Variants in SIL1 observed in about 807,000 individuals in gnomAD.
SIL1 encodes nucleotide exchange factor SIL1.
A neutral mutation model predicts 49.1 loss-of-function variants in SIL1; 40 were observed. The observed-to-expected ratio is 0.81, with a 90% CI of 0.63 to 1.06. SIL1 has a LOEUF of 1.06. SIL1 is among the 50% of genes least tolerant of loss of function. SIL1 has a pLI of 0.00. For missense variants in SIL1, 500 were observed against 572.6 expected (o/e 0.87, Z 1.29); for synonymous variants, 253 against 250.8 (o/e 1.01, Z -0.08).
At chr5:138,968,777 G>T (rs764165612) in intron 7 of SIL1, among the ~76,000 whole-genome samples, 17 of 152,172 alleles carry the variant, frequency 1.1e-4, no homozygotes, top group Non-Finnish European at 2.1e-4. Flanking sequence ...CAGACACAAG[G>T]CTGGCTCTGT....
intron 3 of SIL1, among the ~76,000 whole-genome samples, chr5:139,063,491 G>C (rs761247676): frequency 6.6e-6 from 1 of 152,204 alleles, no homozygotes; most frequent in Non-Finnish European, 1.5e-5. Flanking sequence ...AGAAACCAAA[G>C]GTCAGGCAGT....
chr5:138,979,766 T>C (rs1581002200), intron 7 of SIL1, among the ~76,000 whole-genome samples: 1 of 151,938 alleles, frequency 6.6e-6, no homozygotes, highest in East Asian at 1.9e-4. Context: ...GAGGCAGGGG[T>C]GAACACAGTG....
chr5:139,179,449 T>A (rs1053872734), intron 1 of SIL1, among the ~76,000 whole-genome samples: 1 of 152,150 alleles, frequency 6.6e-6, no homozygotes, highest in Non-Finnish European at 1.5e-5. Flanking sequence ...GTCCACAGAT[T>A]GTGGCTCAGA....
chr5:138,952,650 A>T (rs986157707), intron 7 of SIL1, among the ~76,000 whole-genome samples: 1 of 152,254 alleles, frequency 6.6e-6, no homozygotes, highest in African/African-American at 2.4e-5. Context: ...AACCATGAAC[A>T]TATCAATAGA....
intron 3 of SIL1, among the ~76,000 whole-genome samples, chr5:139,116,558 T>C (rs1051814324): frequency 2.0e-5 from 3 of 152,202 alleles, no homozygotes; most frequent in Admixed American, 6.5e-5. Context: ...GCTGCCTCCT[T>C]ACCTCCACTT....
Position 138,947,158 on chromosome 5 carries a change from G to A in SIL1, c.1345C>T (p.Leu449=). The A allele has an allele frequency of 6.2e-7, 1 of 1,613,690 alleles. No individual in the cohort carries two copies. Residue 449 remains leucine, a synonymous_variant, in exon 10 of 10, where the codon CTG becomes TTG. Coordinates refer to ENST00000394817, the MANE Select transcript of SIL1 (RefSeq NM_022464.5). The surrounding 1 kb of genome is among the most constrained non-coding windows in gnomAD (Gnocchi z 4.1). ...AGCAAGCTGTTGACAGAGCCCAGCA[G>A]CTCCTGGAAGTAGCCCTCGTCCTCA... ...DGEDEGYFQE[L]LGSVNSLLKE...
At chr5:139,191,326 G>A (rs1752163757) in intron 1 of SIL1, among the ~76,000 whole-genome samples, 1 of 150,834 alleles carries the variant, frequency 6.6e-6, no homozygotes, top group Admixed American at 6.6e-5. Flanking sequence ...AGCACTCAAA[G>A]CATGGCCAAT....
intron 7 of SIL1, among the ~76,000 whole-genome samples, chr5:138,968,472 C>T (rs1767200130): frequency 6.6e-6 from 1 of 152,156 alleles, no homozygotes. Flanking sequence ...TGCCTGAGCG[C>T]CCTGCCCCTG....
chr5:139,197,425 G>A (rs1223167524), intron 1 of SIL1, among the ~76,000 whole-genome samples: 1 of 152,038 alleles, frequency 6.6e-6, no homozygotes, highest in Non-Finnish European at 1.5e-5. Context: ...TTATTGAGGT[G>A]GGAAAGCCAA....
In SIL1 at chr5:138,948,392, C is replaced by T. The variant is rs1416579914; in HGVS notation, c.1030-919G>A. On this transcript the variant is annotated intron_variant, in intron 9 of 9. Coordinates refer to ENST00000394817, the MANE Select transcript of SIL1 (RefSeq NM_022464.5). The surrounding 1 kb of genome is among the most constrained non-coding windows in gnomAD (Gnocchi z 4.8). ...CACACCCCAATTCTGTCAGCTCCAC[C>T]TTTGTCCCTTGTGTCCTGCGATCCA... 6.6e-6 allele frequency among the ~76,000 whole-genome samples: 1 copy of T among 152,154 alleles called. No individual in the cohort carries two copies. The highest frequency in any genetic ancestry group is 1.5e-5 in the Non-Finnish European group (1 of 68,028).
intron 3 of SIL1, among the ~76,000 whole-genome samples, chr5:139,097,964 G>C (rs1303468930): frequency 6.6e-6 from 1 of 152,134 alleles, no homozygotes; most frequent in African/African-American, 2.4e-5. Flanking sequence ...AAAATGGAAA[G>C]AGATTCCATG....
chr5:139,024,453 G>T (rs1272713654), intron 6 of SIL1, among the ~76,000 whole-genome samples: 1 of 152,172 alleles, frequency 6.6e-6, no homozygotes, highest in Non-Finnish European at 1.5e-5. Flanking sequence ...AATTCCTATG[G>T]ATACAGTGCA....
At chr5:139,097,419 T>C (rs1174730883) in intron 3 of SIL1, among the ~76,000 whole-genome samples, 2 of 151,828 alleles carry the variant, frequency 1.3e-5, no homozygotes, top group Non-Finnish European at 2.9e-5. Context: ...CCCAAAAAAC[T>C]ATTAGAATTA....
intron 3 of SIL1, among the ~76,000 whole-genome samples, chr5:139,109,907 A>C (rs1477286252): frequency 6.6e-6 from 1 of 151,548 alleles, no homozygotes; most frequent in Non-Finnish European, 1.5e-5. Context: ...ACGGAGGCTC[A>C]CGTCTATAAT....
At chr5:138,954,402 T>A (rs1766856526) in intron 7 of SIL1, among the ~76,000 whole-genome samples, 1 of 152,230 alleles carries the variant, frequency 6.6e-6, no homozygotes, top group Non-Finnish European at 1.5e-5. Flanking sequence ...CCTCTTCACA[T>A]GATCAGCTTA....
intron 7 of SIL1, among the ~76,000 whole-genome samples, chr5:138,956,482 G>A (rs907024660): frequency 6.6e-5 from 10 of 152,186 alleles, no homozygotes; most frequent in Non-Finnish European, 1.3e-4. Context: ...AGTGGCTCAC[G>A]CCTGTAATCC....
At chr5:139,021,133 G>A in intron 7 of SIL1, 38 bp downstream of exon 7, 1 of 1,613,916 alleles carries the variant, frequency 6.2e-7, no homozygotes, top group Non-Finnish European at 8.5e-7. Flanking sequence ...ATCAGGCCAA[G>A]CAATTCTGGC....
intron 3 of SIL1, among the ~76,000 whole-genome samples, chr5:139,055,050 C>G (rs749867785): frequency 2.0e-5 from 3 of 152,112 alleles, no homozygotes; most frequent in African/African-American, 7.2e-5. Context: ...AAGATACATA[C>G]AGGTAACAAG....
At chr5:139,165,529 T>A (rs570374311) in intron 1 of SIL1, among the ~76,000 whole-genome samples, 1 of 152,278 alleles carries the variant, frequency 6.6e-6, no homozygotes, top group South Asian at 2.1e-4. Flanking sequence ...TTTGTATTTT[T>A]AGTAGAAACA....
Sources: gnomAD v4.1 joint callset for allele counts (sites outside exome capture counted in the v4.1 genomes callset) on GRCh38, gnomAD v4.1.1 for gene constraint, Gnocchi (gnomAD v3.1) non-coding constraint, MANE v1.5 for transcripts, NCBI Gene and HGNC (gene_info 2026-07-23, HGNC 2026-07-21) for gene names.